The following DCP1A variants were observed in gnomAD, a reference collection of about 807,000 sequenced individuals.
DCP1A encodes decapping mRNA 1A, also known as mRNA-decapping enzyme 1A.
DCP1A carries 20 observed loss-of-function variants against 58.0 expected under a neutral mutation model. The observed-to-expected ratio is 0.34, with a 90% CI of 0.24 to 0.50. DCP1A has a LOEUF of 0.50. DCP1A is among the 20% of genes least tolerant of loss of function. The pLI is 0.98. For synonymous variants in DCP1A, 285 were observed against 275.1 expected (o/e 1.04, Z -0.36); for missense variants, 613 against 712.2 (o/e 0.86, Z 1.59).
chr3:53,328,384 TACAA>T (rs1218585505), intron 3 of DCP1A, among the ~76,000 whole-genome samples: 6 of 152,338 alleles, frequency 3.9e-5, no homozygotes, highest in African/African-American at 1.4e-4. Context: ...GTCACTTAAG[TACAA>T]ACAATGATTT....
At chr3:53,319,135 G>A (rs147660324) in intron 4 of DCP1A, among the ~76,000 whole-genome samples, 2,287 of 152,224 alleles carry the variant, frequency 0.015, 19 homozygotes, top group Non-Finnish European at 0.024. Flanking sequence ...CATACAGTAG[G>A]ATCCTATTTT....
rs1191935004 is a variant in DCP1A, at chr3:53,344,947, G to A, written c.136-5C>T. ...CCCTTCTATATCAGTCTTCTCCTAT[G>A]AAAGACAATGACTCAATTAGTTTTT... On this transcript the variant is annotated splice_polypyrimidine_tract_variant and splice_region_variant and intron_variant, in intron 1 of 9. Coordinates refer to ENST00000610213, the MANE Select transcript of DCP1A (RefSeq NM_018403.7). The A allele has an allele frequency of 6.2e-7, 1 of 1,600,038 alleles. No homozygotes were observed. The highest frequency in any genetic ancestry group is 1.3e-5 in the African/African-American group (1 of 74,172).
At chr3:53,313,458 TAAGAACACCCCCTTCTCCCTTGTA>T (rs1707708782) in intron 4 of DCP1A, among the ~76,000 whole-genome samples, 3 of 151,904 alleles carry the variant, frequency 2.0e-5, no homozygotes, top group African/African-American at 7.2e-5. Context: ...TTTCAGTTTT[TAAGAACACCCCCTTCTCCCTTGTA>T]AAGAAAGATC....
intron 8 of DCP1A, 64 bp from the exon 9 acceptor site, chr3:53,288,347 G>C: frequency 7.7e-7 from 1 of 1,305,204 alleles, no homozygotes; most frequent in Non-Finnish European, 1.1e-6. Flanking sequence ...CCCAGAATAG[G>C]GACCATGTGG....
intron 3 of DCP1A, among the ~76,000 whole-genome samples, chr3:53,328,430 G>T (rs953490172): frequency 2.0e-5 from 3 of 151,978 alleles, no homozygotes; most frequent in South Asian, 2.1e-4. Flanking sequence ...AAAAACATTT[G>T]AAGTATTGAA....
At chr3:53,292,890 C>A (rs1706976588) in intron 6 of DCP1A, 63 bp from the exon 7 acceptor site, 2 of 1,503,286 alleles carry the variant, frequency 1.3e-6, no homozygotes, top group Non-Finnish European at 8.8e-7. Context: ...AACCAAACTT[C>A]TTTTCCAGAA....
At chr3:53,305,863 C>T (rs147098430) in intron 5 of DCP1A, among the ~76,000 whole-genome samples, 3 of 151,988 alleles carry the variant, frequency 2.0e-5, no homozygotes, top group South Asian at 2.1e-4. Context: ...TTAATGTGCT[C>T]ATGACATTAA....
intron 3 of DCP1A, among the ~76,000 whole-genome samples, chr3:53,340,288 T>C (rs1322961379): frequency 6.6e-6 from 1 of 152,228 alleles, no homozygotes; most frequent in Non-Finnish European, 1.5e-5. Flanking sequence ...AATTACATTG[T>C]TAACATTAGT....
rs994007306 is a variant in DCP1A at position 53,287,344 on chromosome 3, T to C, written c.*236A>G. Reference sequence around the variant, plus strand: ...TAACTTAACACAATGATCGCTCTCTTTTTTTTTTTTTTTTTTTTTTTTTTT... The same window carrying C: ...TAACTTAACACAATGATCGCTCTCTCTTTTTTTTTTTTTTTTTTTTTTTTT... On this transcript the variant is annotated 3_prime_UTR_variant, in exon 10 of 10. Transcript: ENST00000610213. The C allele has an allele frequency of 6.9e-4, 41 of 59,058 alleles. No homozygotes were observed. Among genetic ancestry groups the C allele is most frequent in the Middle Eastern group, 6.8e-3 (1 of 148 alleles). The allele number at this position is 59,058 out of a possible 1,614,324, so 3.7% of individuals were successfully genotyped here.
chr3:53,326,241 T>TG (rs1553690562), intron 3 of DCP1A, among the ~76,000 whole-genome samples: 4 of 152,192 alleles, frequency 2.6e-5, no homozygotes, highest in Non-Finnish European at 4.4e-5. Flanking sequence ...AAATGACCAT[T>TG]GAACTTCTTT....
intron 3 of DCP1A, among the ~76,000 whole-genome samples, chr3:53,332,140 A>G (rs1464896449): frequency 5.9e-5 from 9 of 152,242 alleles, no homozygotes; most frequent in Admixed American, 5.9e-4. Context: ...TTTCCCTTGA[A>G]GATTAGACCA....
At chr3:53,334,716 G>A (rs1309292864) in intron 3 of DCP1A, among the ~76,000 whole-genome samples, 1 of 152,100 alleles carries the variant, frequency 6.6e-6, no homozygotes, top group South Asian at 2.1e-4. Flanking sequence ...ACTGTGGAGC[G>A]TTTGGCTGTA....
chr3:53,296,004 T>C lies in DCP1A; in HGVS notation c.625-3177A>G, dbSNP rs562031124. Reference sequence around the variant, plus strand: ...TCCTCCCAGGTTCAAGCGATTCTTATGCCTCAGCCTCCTGAGCAGCTGGGA... The same window carrying C: ...TCCTCCCAGGTTCAAGCGATTCTTACGCCTCAGCCTCCTGAGCAGCTGGGA... On this transcript the variant is annotated intron_variant, in intron 6 of 9. Coordinates refer to ENST00000610213, the MANE Select transcript of DCP1A (RefSeq NM_018403.7). Among the ~76,000 whole-genome samples the C allele has an allele frequency of 4.6e-5, 7 of 152,070 alleles. No homozygotes were observed. In the South Asian group the frequency reaches 1.2e-3, roughly 27 times the overall value.
chr3:53,318,581 C>G (rs1454039727), intron 4 of DCP1A, among the ~76,000 whole-genome samples: 1 of 152,110 alleles, frequency 6.6e-6, no homozygotes, highest in Admixed American at 6.6e-5. Flanking sequence ...CCCCTGAAGC[C>G]CCGTGTAATG....
At chr3:53,339,891 T>G (rs2089173929) in intron 3 of DCP1A, among the ~76,000 whole-genome samples, 1 of 152,120 alleles carries the variant, frequency 6.6e-6, no homozygotes, top group Non-Finnish European at 1.5e-5. Flanking sequence ...AAAAAAAAAT[T>G]GGATCCATAT....
At chr3:53,303,452 A>G (rs1354338668) in intron 6 of DCP1A, among the ~76,000 whole-genome samples, 12 of 149,588 alleles carry the variant, frequency 8.0e-5, no homozygotes, top group African/African-American at 3.0e-4. Flanking sequence ...TTTTTAGTAG[A>G]GACAGGGTTT....
At chr3:53,345,001 C>A in intron 1 of DCP1A, 59 bp from the exon 2 acceptor site, 1 of 1,290,270 alleles carries the variant, frequency 7.8e-7, no homozygotes, top group Non-Finnish European at 1.1e-6. Context: ...CCAAATAGTC[C>A]CCATGGAGAA....
At chr3:53,336,545 C>T (rs1038320659) in intron 3 of DCP1A, among the ~76,000 whole-genome samples, 7 of 152,120 alleles carry the variant, frequency 4.6e-5, no homozygotes, top group Non-Finnish European at 7.3e-5. Flanking sequence ...TTGTTATATG[C>T]TACCTTTCAT....
intron 6 of DCP1A, among the ~76,000 whole-genome samples, chr3:53,298,782 A>C (rs1257422934): frequency 6.6e-6 from 1 of 152,244 alleles, no homozygotes; most frequent in African/African-American, 2.4e-5. Flanking sequence ...GTTTGGAAAT[A>C]CTATCATTTG....
Sources: allele counts gnomAD v4.1 joint callset (sites outside exome capture counted in the v4.1 genomes callset), GRCh38; gene constraint gnomAD v4.1.1; transcripts MANE v1.5; gene names NCBI Gene and HGNC (gene_info 2026-07-23, HGNC 2026-07-21).